NOL4: variants seen among roughly 807,000 people sequenced by gnomAD.
The protein encoded by NOL4 is cancer/testis antigen 125.
A neutral mutation model predicts 75.9 loss-of-function variants in NOL4; 17 were observed. The observed-to-expected ratio is 0.22, with a 90% CI of 0.15 to 0.34. The LOEUF (loss-of-function observed/expected upper bound fraction) is 0.34, where lower values mean the gene tolerates loss of function less well. Ranked by LOEUF, NOL4 falls within the 10% of genes least tolerant of loss-of-function variation. The probability of loss-of-function intolerance (pLI) is 1.00; values close to 1 mark genes in which losing one functional copy is unlikely to be tolerated. For missense variants in NOL4, 614 were observed against 793.5 expected (o/e 0.77, Z 2.72); for synonymous variants, 292 against 289.9 (o/e 1.01, Z -0.07).
intron 2 of NOL4, among the ~76,000 whole-genome samples, chr18:34,113,134 T>A (rs188742956): frequency 6.6e-6 from 1 of 151,846 alleles, no homozygotes; most frequent in South Asian, 2.1e-4. Flanking sequence ...TAAGCCCAAC[T>A]TTTTTTGTTT....
At chr18:34,161,280 G>A (rs1364943455) in intron 1 of NOL4, among the ~76,000 whole-genome samples, 1 of 152,116 alleles carries the variant, frequency 6.6e-6, no homozygotes, top group Admixed American at 6.5e-5. Flanking sequence ...AAACATGGGA[G>A]TGCAGATGTC....
At chr18:34,138,918 G>A (rs969852274) in intron 1 of NOL4, among the ~76,000 whole-genome samples, 1 of 152,096 alleles carries the variant, frequency 6.6e-6, no homozygotes, top group African/African-American at 2.4e-5. Flanking sequence ...GGCCTTTTCT[G>A]CATCTATTGA....
At chr18:34,096,216 T>C (rs780996870) in intron 4 of NOL4, among the ~76,000 whole-genome samples, 3 of 152,058 alleles carry the variant, frequency 2.0e-5, no homozygotes, top group Non-Finnish European at 4.4e-5. Context: ...AAAAACCATG[T>C]TAAATTATTT....
At chr18:34,143,615 C>T (rs1422832867) in intron 1 of NOL4, among the ~76,000 whole-genome samples, 1 of 151,992 alleles carries the variant, frequency 6.6e-6, no homozygotes, top group Non-Finnish European at 1.5e-5. Context: ...GCCTGTAATC[C>T]TAGCACTTTG....
At chr18:34,143,931 A>C (rs1213292189) in intron 1 of NOL4, among the ~76,000 whole-genome samples, 1 of 151,968 alleles carries the variant, frequency 6.6e-6, no homozygotes, top group East Asian at 1.9e-4. Context: ...ACAAAATCAT[A>C]AATCTGTCCT....
intron 1 of NOL4, among the ~76,000 whole-genome samples, chr18:34,180,917 A>G (rs2033982962): frequency 6.6e-6 from 1 of 151,500 alleles, no homozygotes; most frequent in Non-Finnish European, 1.5e-5. Flanking sequence ...TTATTGAAAT[A>G]AATTAAGATT....
chr18:33,978,272 A>G (rs2145948430), intron 6 of NOL4, among the ~76,000 whole-genome samples: 1 of 152,310 alleles, frequency 6.6e-6, no homozygotes, highest in South Asian at 2.1e-4. Flanking sequence ...AGTGACTGAT[A>G]CCAGTATATA....
chr18:34,215,937 T>A (rs1170101461), intron 1 of NOL4, among the ~76,000 whole-genome samples: 1 of 152,216 alleles, frequency 6.6e-6, no homozygotes, highest in Non-Finnish European at 1.5e-5. Context: ...TTTCTTAGAT[T>A]TTTTATATTT....
At chr18:34,025,825 A>C (rs1600297529) in intron 5 of NOL4, among the ~76,000 whole-genome samples, 1 of 152,140 alleles carries the variant, frequency 6.6e-6, no homozygotes, top group African/African-American at 2.4e-5. Flanking sequence ...TGATCATACT[A>C]GACCTGTTAA....
chr18:34,222,582 G>T (rs1179748707), intron 1 of NOL4: 21 of 510,358 alleles, frequency 4.1e-5, no homozygotes, highest in South Asian at 8.4e-5. Flanking sequence ...CTCTCAGAGC[G>T]TGCGGCCGGG....
chr18:34,208,685 G>A (rs144476811), intron 1 of NOL4, among the ~76,000 whole-genome samples: 22 of 151,530 alleles, frequency 1.5e-4, no homozygotes, highest in Admixed American at 1.2e-3. Flanking sequence ...GTCAAACCCC[G>A]TCTCTACTAA....
intron 1 of NOL4, among the ~76,000 whole-genome samples, chr18:34,196,938 T>C (rs1193852208): frequency 2.0e-5 from 3 of 151,982 alleles, no homozygotes; most frequent in African/African-American, 7.2e-5. Flanking sequence ...TTGAAATACA[T>C]TCCTGTTGAT....
intron 9 of NOL4, among the ~76,000 whole-genome samples, chr18:33,893,983 C>T (rs1203110570): frequency 6.6e-6 from 1 of 152,110 alleles, no homozygotes; most frequent in Non-Finnish European, 1.5e-5. Flanking sequence ...CCTGCCCTTA[C>T]ATGCTCTTTG....
chr18:34,107,566 G>T (rs1221849331), intron 2 of NOL4, among the ~76,000 whole-genome samples: 1 of 151,240 alleles, frequency 6.6e-6, no homozygotes, highest in African/African-American at 2.4e-5. Flanking sequence ...TATTCACTGG[G>T]GCCCACAGAC....
intron 1 of NOL4, among the ~76,000 whole-genome samples, chr18:34,173,032 T>C (rs373603168): frequency 1.3e-4 from 20 of 152,216 alleles, no homozygotes; most frequent in African/African-American, 4.8e-4. Context: ...TTGCCTTGTT[T>C]TTGCTTTTTT....
At chr18:33,930,011 C>T (rs974418849) in intron 9 of NOL4, among the ~76,000 whole-genome samples, 21 of 152,072 alleles carry the variant, frequency 1.4e-4, no homozygotes, top group African/African-American at 4.8e-4. Flanking sequence ...ATTTTGCTTA[C>T]ATGTACCAAC....
At chr18:34,210,935 A>G (rs1392097369) in intron 1 of NOL4, among the ~76,000 whole-genome samples, 1 of 152,118 alleles carries the variant, frequency 6.6e-6, no homozygotes, top group Non-Finnish European at 1.5e-5. Context: ...TTTAAGAAAA[A>G]GTTTTTTCTT....
intron 1 of NOL4, among the ~76,000 whole-genome samples, chr18:34,149,653 G>C (rs563432410): frequency 1.2e-4 from 18 of 151,730 alleles, no homozygotes; most frequent in Non-Finnish European, 2.2e-4. Flanking sequence ...CCCATTGCAT[G>C]ATGAAGCCAT....
At position 34,223,873 on chromosome 18, in the gene NOL4, G is replaced by A. The variant is rs1159741374; in HGVS notation, c.-620C>T. 1 of 152,402 alleles carries A rather than the reference G, an allele frequency of 6.6e-6. No individual in the cohort carries two copies. Among genetic ancestry groups the A allele is most frequent in the Non-Finnish European group, 1.5e-5 (1 of 68,212 alleles). 9.4% of individuals were successfully genotyped at this position (152,402 alleles called of 1,614,324 possible). A position where few individuals can be genotyped will look rare whatever the true frequency, so the allele number is the denominator to read the frequency against. ...GTCCTGCTTTGACCTTCCCCACGAC[G>A]GGTGTTAAGGGACTAGAAAGAGAAA... On this transcript the variant is annotated 5_prime_UTR_variant, in exon 1 of 11. Coordinates refer to ENST00000261592, the MANE Select transcript of NOL4 (RefSeq NM_003787.5).
Sources: gnomAD v4.1 joint callset for allele counts (sites outside exome capture counted in the v4.1 genomes callset) on GRCh38, gnomAD v4.1.1 for gene constraint, MANE v1.5 for transcripts, NCBI Gene and HGNC (gene_info 2026-07-23, HGNC 2026-07-21) for gene names.